MAGI2: variants seen among roughly 807,000 people sequenced by gnomAD.
MAGI2 encodes membrane-associated guanylate kinase, WW and PDZ domain-containing protein 2.
Under a neutral mutation model 133.3 loss-of-function variants are expected in MAGI2, and 35 were observed. The ratio of observed to expected loss-of-function variants is 0.26; its 90% CI spans 0.20 to 0.35. The LOEUF (loss-of-function observed/expected upper bound fraction) is 0.35. MAGI2 is among the 10% of genes least tolerant of loss of function. The pLI is 1.00. For synonymous variants in MAGI2, 729 were observed against 710.6 expected (o/e 1.03, Z -0.41); for missense variants, 1,636 against 1,863.4 (o/e 0.88, Z 2.25).
At chr7:78,335,711 G>T (rs1311897824) in intron 9 of MAGI2, among the ~76,000 whole-genome samples, 1 of 152,144 alleles carries the variant, frequency 6.6e-6, no homozygotes, top group East Asian at 1.9e-4. Flanking sequence ...ATCCTCCATA[G>T]TACCTAACAT....
At chr7:78,883,677 G>T (rs948204355) in intron 2 of MAGI2, among the ~76,000 whole-genome samples, 1 of 151,854 alleles carries the variant, frequency 6.6e-6, no homozygotes, top group Non-Finnish European at 1.5e-5. Context: ...CAGACAACAC[G>T]GGCCTGTGGA....
At chr7:78,045,521 A>G (rs553166395) in intron 21 of MAGI2, among the ~76,000 whole-genome samples, 1 of 134,522 alleles carries the variant, frequency 7.4e-6, no homozygotes, top group South Asian at 2.5e-4. Context: ...TAAGCACTTT[A>G]ATAGAATTAC....
chr7:78,902,787 C>T (rs990794874), intron 2 of MAGI2, among the ~76,000 whole-genome samples: 2 of 152,148 alleles, frequency 1.3e-5, no homozygotes, highest in Non-Finnish European at 2.9e-5. Context: ...AATTGGACCC[C>T]TGTTGGTAGT....
intron 1 of MAGI2, chr7:79,354,480 C>T (rs1266380411): frequency 6.6e-6 from 1 of 152,264 alleles, no homozygotes. Context: ...GGGTTTGGGC[C>T]CATAGAACCC....
chr7:78,545,359 C>G (rs1316576589), intron 3 of MAGI2, among the ~76,000 whole-genome samples: 5 of 151,662 alleles, frequency 3.3e-5, no homozygotes, highest in African/African-American at 9.7e-5. Flanking sequence ...ATTACAGGCA[C>G]GCACCACCAT....
chr7:78,431,568 C>A (rs1460865091), intron 6 of MAGI2, among the ~76,000 whole-genome samples: 3 of 151,924 alleles, frequency 2.0e-5, no homozygotes, highest in Non-Finnish European at 2.9e-5. Context: ...ACTGGTCAGT[C>A]AAAAGCAAGA....
intron 2 of MAGI2, among the ~76,000 whole-genome samples, chr7:78,972,148 G>A (rs1803843706): frequency 1.3e-5 from 2 of 151,822 alleles, no homozygotes; most frequent in African/African-American, 4.8e-5. Flanking sequence ...TTTTCAGTCT[G>A]TAAGCAGGAA....
chr7:78,232,910 T>C (rs1259545765), intron 10 of MAGI2, among the ~76,000 whole-genome samples: 1 of 152,014 alleles, frequency 6.6e-6, no homozygotes, highest in Non-Finnish European at 1.5e-5. Flanking sequence ...AAGGCAGAGG[T>C]TTTTACATGT....
rs1034567013 is a variant in MAGI2 at position 79,045,760 on chromosome 7, C to G, written c.302-38554G>C. On this transcript the variant is annotated intron_variant, in intron 1 of 21. Transcript: ENST00000354212. ...TGAGCCAAGATCACGCCACTGCACT[C>G]CAGCCTGGGTGAAAGAGCAAGACTC... Among the ~76,000 whole-genome samples the G allele has an allele frequency of 2.0e-5, 3 of 152,092 alleles. No homozygotes were observed. The South Asian group carries it at 6.2e-4, about 32-fold the overall frequency.
At chr7:79,065,756 T>A (rs1172949923) in intron 1 of MAGI2, among the ~76,000 whole-genome samples, 1 of 152,120 alleles carries the variant, frequency 6.6e-6, no homozygotes, top group African/African-American at 2.4e-5. Flanking sequence ...TTCTCATCCA[T>A]GTGTCCATGT....
intron 1 of MAGI2, among the ~76,000 whole-genome samples, chr7:79,259,570 C>A (rs1191806877): frequency 6.6e-6 from 1 of 152,112 alleles, no homozygotes; most frequent in African/African-American, 2.4e-5. Flanking sequence ...TGTACACAAT[C>A]CGTAAGTGGT....
intron 2 of MAGI2, among the ~76,000 whole-genome samples, chr7:78,955,769 C>CTTTCTTTCTTTCT (rs1554310425): frequency 0.068 from 7,931 of 116,676 alleles, 449 homozygotes; most frequent in East Asian, 0.13. Flanking sequence ...TTCTTTCTTT[C>CTTTCTTTCTTTCT]TTTCTTTCTT....
chr7:79,088,773 G>A (rs747222938), intron 1 of MAGI2, among the ~76,000 whole-genome samples: 12 of 151,958 alleles, frequency 7.9e-5, no homozygotes, highest in Non-Finnish European at 1.2e-4. Context: ...ATAATCATGT[G>A]TTTTTTGTCA....
intron 16 of MAGI2, among the ~76,000 whole-genome samples, chr7:78,136,527 A>G (rs1822156955): frequency 6.6e-6 from 1 of 152,312 alleles, no homozygotes; most frequent in Admixed American, 6.5e-5. Flanking sequence ...GTACCTACCA[A>G]GATAACTATT....
At chr7:78,614,025 A>T (rs935239063) in intron 3 of MAGI2, among the ~76,000 whole-genome samples, 1 of 151,922 alleles carries the variant, frequency 6.6e-6, no homozygotes, top group African/African-American at 2.4e-5. Context: ...TAGGAGAATC[A>T]ATTGAACCTG....
chr7:79,385,909 C>G (rs1195390346), intron 1 of MAGI2, among the ~76,000 whole-genome samples: 2 of 151,896 alleles, frequency 1.3e-5, no homozygotes, highest in African/African-American at 4.8e-5. Context: ...AACCATTTTA[C>G]TCTCTCTATG....
chr7:79,204,142 C>T (rs1007988884), intron 1 of MAGI2, among the ~76,000 whole-genome samples: 4 of 152,034 alleles, frequency 2.6e-5, no homozygotes, highest in African/African-American at 9.7e-5. Context: ...TAACATTGGG[C>T]CCACCAAAGT....
At chr7:78,221,804 G>A (rs543016313) in intron 10 of MAGI2, among the ~76,000 whole-genome samples, 2 of 151,654 alleles carry the variant, frequency 1.3e-5, no homozygotes, top group Admixed American at 1.3e-4. Context: ...ACCAGCCTAG[G>A]CAACTAGGCA....
In MAGI2 at chr7:78,810,712, C is replaced by A. The variant is rs146753293; in HGVS notation, c.419-183473G>T. 7.0e-3 allele frequency among the ~76,000 whole-genome samples: 1,060 copies of A among 152,040 alleles called. 7 individuals are homozygous for A. Among genetic ancestry groups the A allele is most frequent in the Non-Finnish European group, 0.011 (760 of 67,906 alleles). On this transcript the variant is annotated intron_variant, in intron 2 of 21. Transcript: ENST00000354212. The stretch of plus-strand genomic sequence containing the variant: ...ACATGACTCCCAATACAATTTTAGT[C>A]CTGGCTTTTTCTTATTAAAAAACAA...
Sources: gnomAD v4.1 joint callset for allele counts (sites outside exome capture counted in the v4.1 genomes callset) on GRCh38, gnomAD v4.1.1 for gene constraint, MANE v1.5 for transcripts, NCBI Gene and HGNC (gene_info 2026-07-23, HGNC 2026-07-21) for gene names.